The following WNK1 variants were observed in gnomAD, a reference collection of about 807,000 sequenced individuals.
The protein encoded by WNK1 is WNK lysine deficient protein kinase 1, also known as serine/threonine-protein kinase WNK1.
Under a neutral mutation model 222.8 loss-of-function variants are expected in WNK1, and 38 were observed. The ratio of observed to expected loss-of-function variants is 0.17; its 90% confidence interval spans 0.13 to 0.22. The LOEUF is 0.22. Among genes scored for constraint, WNK1 ranks in the 10% least tolerant of loss-of-function variants. WNK1 has a pLI of 1.00. For missense variants in WNK1, 2,348 were observed against 2,918.4 expected (o/e 0.80, Z 4.50); for synonymous variants, 1,090 against 1,092.9 (o/e 1.00, Z 0.05).
chr12:899,117 T>C (rs1486343846), intron 25 of WNK1, among the ~76,000 whole-genome samples: 1 of 152,178 alleles, frequency 6.6e-6, no homozygotes. Context: ...ACACAATTAG[T>C]TGAAAAGTAA....
Position 762,226 on chromosome 12 carries a change from A to C in WNK1, c.759+7902A>C, listed in dbSNP as rs781662645. On this transcript the variant is annotated intron_variant, in intron 1 of 27. Transcript: ENST00000315939. Reference sequence around the variant, plus strand: ...AGGCACATGCTACCATGCCCAACTAATTTTTGTATTTTTAGTAGAGATGGG... The same window carrying C: ...AGGCACATGCTACCATGCCCAACTACTTTTTGTATTTTTAGTAGAGATGGG... Among the ~76,000 whole-genome samples, 9 of 144,768 alleles carry C rather than the reference A, an allele frequency of 6.2e-5. 1 individual carries two copies. Among genetic ancestry groups the C allele is most frequent in the Admixed American group, 4.1e-4 (6 of 14,586 alleles). 95.0% of individuals were successfully genotyped at this position (144,768 alleles called of 152,430 possible).
intron 27 of WNK1, 36 bp from the exon 28 acceptor site, chr12:908,439 C>T (rs1193242165): frequency 2.5e-6 from 4 of 1,608,460 alleles, no homozygotes; most frequent in African/African-American, 2.7e-5. Context: ...TACCATGGCC[C>T]ACACCAGACT....
intron 1 of WNK1, among the ~76,000 whole-genome samples, chr12:784,808 G>A (rs2153972473): frequency 6.6e-6 from 1 of 152,234 alleles, no homozygotes; most frequent in South Asian, 2.1e-4. Flanking sequence ...TCTCATTTTG[G>A]AGATTCTTCT....
intron 4 of WNK1, among the ~76,000 whole-genome samples, chr12:840,730 C>G (rs1169288735): frequency 6.6e-6 from 1 of 152,190 alleles, no homozygotes; most frequent in Non-Finnish European, 1.5e-5. Context: ...ACATGTTCCC[C>G]TGTAGAGTCC....
chr12:764,232 A>G (rs575723452), intron 1 of WNK1, among the ~76,000 whole-genome samples: 1 of 148,130 alleles, frequency 6.8e-6, no homozygotes, highest in Non-Finnish European at 1.5e-5. Flanking sequence ...TTTCAAGAAA[A>G]TAATACATCA....
intron 19 of WNK1, among the ~76,000 whole-genome samples, chr12:886,958 T>A (rs545830293): frequency 6.4e-4 from 97 of 152,344 alleles, no homozygotes; most frequent in African/African-American, 2.3e-3. Context: ...TAGCCTTTGT[T>A]CTGTTCTCCC....
At chr12:857,307 T>C (rs535454706) in intron 5 of WNK1, 58 bp downstream of exon 5, 183 of 1,401,250 alleles carry the variant, frequency 1.3e-4, no homozygotes, top group Admixed American at 3.5e-4. Flanking sequence ...AGTAATGTGC[T>C]TTGAGTACAA....
chr12:830,254 G>A (rs1948686069), intron 4 of WNK1, 94 bp downstream of exon 4: 3 of 1,410,512 alleles, frequency 2.1e-6, no homozygotes, highest in Non-Finnish European at 2.0e-6. Flanking sequence ...GAGGACAATA[G>A]TGGAAGGCAT....
intron 1 of WNK1, among the ~76,000 whole-genome samples, chr12:767,258 T>G (rs1941862859): frequency 1.6e-5 from 1 of 64,006 alleles, no homozygotes; most frequent in African/African-American, 4.9e-5. Flanking sequence ...TTTTTTTTTT[T>G]TTTTTTTTTT....
rs370180921 is a variant in WNK1 at position 910,426 on chromosome 12, A to T, written c.*1634A>T. The T allele has an allele frequency of 6.6e-6, 1 of 152,220 alleles. No individual in the cohort carries two copies. Among genetic ancestry groups the T allele is most frequent in the East Asian group, 1.9e-4 (1 of 5,204 alleles). The allele number at this position is 152,220 out of a possible 1,614,324, so 9.4% of individuals were successfully genotyped here. A position where few individuals can be genotyped will look rare whatever the true frequency, so the allele number is the denominator to read the frequency against. On this transcript the variant is annotated 3_prime_UTR_variant, in exon 28 of 28. Transcript: ENST00000315939. ...TTCTAGAAGTACAACTAATATGTTC[A>T]CATTTTCAAATAAATAATACTCCCC...
At chr12:786,302 T>G (rs1944297510) in intron 1 of WNK1, among the ~76,000 whole-genome samples, 1 of 152,232 alleles carries the variant, frequency 6.6e-6, no homozygotes, top group African/African-American at 2.4e-5. Context: ...ATTCATAGCT[T>G]TATATTTAGG....
chr12:835,545 T>G (rs1014722776), intron 4 of WNK1, among the ~76,000 whole-genome samples: 1 of 152,170 alleles, frequency 6.6e-6, no homozygotes, highest in Non-Finnish European at 1.5e-5. Context: ...TATTTATTAA[T>G]TATAAACTGT....
chr12:887,966 G>A (rs890864009), intron 20 of WNK1, among the ~76,000 whole-genome samples: 9 of 152,056 alleles, frequency 5.9e-5, no homozygotes, highest in African/African-American at 1.9e-4. Context: ...GAGTGCAGTG[G>A]TGGACAGAAT....
intron 9 of WNK1, among the ~76,000 whole-genome samples, chr12:876,401 T>C (rs959774985): frequency 6.6e-6 from 1 of 151,970 alleles, no homozygotes; most frequent in Admixed American, 6.6e-5. Context: ...GGAGCGAGAC[T>C]CCGTGTCAAA....
chr12:753,988 C>G lies in WNK1; in HGVS notation c.423C>G (p.Ala141=). ...SQVAQQPPAA[A]APGEQAVAGP... ...TAGCCCAGCAGCCTCCAGCCGCTGCCGCCCCTGGGGAACAGGCCGTCGCGG... is the reference window on the plus strand; with the variant it reads ...TAGCCCAGCAGCCTCCAGCCGCTGCGGCCCCTGGGGAACAGGCCGTCGCGG... The change falls in exon 1 of 28, where the codon GCC becomes GCG. Residue 141 remains alanine, a synonymous_variant. Transcript: ENST00000315939. The surrounding 1 kb of genome is among the most constrained non-coding windows in gnomAD (Gnocchi z 5.2). The G allele has an allele frequency of 6.3e-7, 1 of 1,592,152 alleles. No individual in the cohort carries two copies. The highest frequency in any genetic ancestry group is 8.5e-7 in the Non-Finnish European group (1 of 1,169,946).
Position 880,959 on chromosome 12 carries a change from C to G in WNK1, c.3071C>G (p.Ala1024Gly). 6.2e-7 allele frequency: 1 copy of G among 1,614,136 alleles called. No individual in the cohort carries two copies. Among genetic ancestry groups the G allele is most frequent in the Non-Finnish European group, 8.5e-7 (1 of 1,180,024 alleles). ...GTGTCCCAGCCAGGAGGGAGTTTAG[C>G]ACAAGCCCCCACTACATCCTCCCAG... Reference protein sequence around the residue: ...VQVSQPGGSLAQAPTTSSQQA... With the variant: ...VQVSQPGGSLGQAPTTSSQQA... The change falls in exon 12 of 28, where the codon GCA (alanine) becomes GGA (glycine). Residue 1024 changes from alanine to glycine, a missense_variant. Coordinates refer to ENST00000315939, the MANE Select transcript of WNK1 (RefSeq NM_018979.4).
intron 1 of WNK1, among the ~76,000 whole-genome samples, chr12:805,707 A>ACT (rs1394721615): frequency 6.6e-6 from 1 of 152,158 alleles, no homozygotes; most frequent in East Asian, 1.9e-4. Context: ...GACGTGCCAA[A>ACT]CTACCTATAG....
chr12:833,658 TTTTG>T (rs1484123320), intron 4 of WNK1, among the ~76,000 whole-genome samples: 3 of 152,222 alleles, frequency 2.0e-5, no homozygotes, highest in African/African-American at 4.8e-5. Flanking sequence ...AATGATAAAA[TTTTG>T]TTTATTAGTG....
Position 763,349 on chromosome 12 carries a change from C to T in WNK1, c.759+9025C>T, listed in dbSNP as rs1328581227. On this transcript the variant is annotated intron_variant, in intron 1 of 27. Transcript: ENST00000315939. ...TTGTAATCCCAACACTTTGGGAGGC[C>T]GAGGTTAGTGGATAACCTGAGGTCA... Among the ~76,000 whole-genome samples the T allele has an allele frequency of 3.4e-5, 5 of 146,718 alleles. 1 individual carries two copies. Among genetic ancestry groups the T allele is most frequent in the South Asian group, 4.5e-4 (2 of 4,448 alleles).
Sources: gnomAD v4.1 joint callset for allele counts (sites outside exome capture counted in the v4.1 genomes callset) on GRCh38, gnomAD v4.1.1 for gene constraint, Gnocchi (gnomAD v3.1) non-coding constraint, MANE v1.5 for transcripts, NCBI Gene and HGNC (gene_info 2026-07-23, HGNC 2026-07-21) for gene names.